PACRG: variants seen among roughly 807,000 people sequenced by gnomAD.
The protein encoded by PACRG is parkin coregulated.
A neutral mutation model predicts 29.7 loss-of-function variants in PACRG; 29 were observed. The observed-to-expected ratio is 0.98, with a 90% CI of 0.73 to 1.33. The LOEUF (loss-of-function observed/expected upper bound fraction) is 1.33, where lower values mean the gene tolerates loss of function less well. PACRG is among the 40% of genes most tolerant of loss of function. PACRG has a pLI of 0.00. For missense variants in PACRG, 279 were observed against 316.2 expected, an observed-to-expected ratio of 0.88 and a Z score of 0.89; for synonymous variants, 116 against 118.7, an observed-to-expected ratio of 0.98 and a Z score of 0.15.
At chr6:163,146,106 G>C (rs1297471026) in intron 4 of PACRG, among the ~76,000 whole-genome samples, 1 of 152,076 alleles carries the variant, frequency 6.6e-6, no homozygotes, top group Non-Finnish European at 1.5e-5. Context: ...AGTTCAAAAA[G>C]CCTTATGTAC....
At chr6:163,197,747 C>T (rs908444199) in intron 4 of PACRG, among the ~76,000 whole-genome samples, 2 of 152,204 alleles carry the variant, frequency 1.3e-5, no homozygotes, top group East Asian at 1.9e-4. Context: ...CTGAGCCCGC[C>T]GGCTATTTTC....
chr6:163,231,668 G>C (rs1196295690), intron 4 of PACRG, among the ~76,000 whole-genome samples: 3 of 152,164 alleles, frequency 2.0e-5, no homozygotes, highest in Non-Finnish European at 4.4e-5. Context: ...GCCTTCCCCA[G>C]GACCAGCACC....
intron 1 of PACRG, among the ~76,000 whole-genome samples, chr6:162,765,481 C>T (rs992018197): frequency 3.9e-5 from 6 of 152,124 alleles, no homozygotes; most frequent in African/African-American, 9.7e-5. Context: ...TCTACATCTG[C>T]TGATCCACTT....
chr6:162,794,353 T>C (rs1346656411), intron 1 of PACRG, among the ~76,000 whole-genome samples: 1 of 152,188 alleles, frequency 6.6e-6, no homozygotes, highest in Non-Finnish European at 1.5e-5. Flanking sequence ...TGAATACTAA[T>C]TTTTATTGAT....
intron 1 of PACRG, among the ~76,000 whole-genome samples, chr6:162,734,465 T>C (rs1019636872): frequency 1.3e-5 from 2 of 152,036 alleles, no homozygotes; most frequent in Non-Finnish European, 2.9e-5. Flanking sequence ...ATCAAACATC[T>C]TCCTATCAAA....
chr6:162,751,131 G>A (rs1460319395), intron 1 of PACRG, among the ~76,000 whole-genome samples: 1 of 151,820 alleles, frequency 6.6e-6, no homozygotes, highest in Non-Finnish European at 1.5e-5. Context: ...TTATGCATAT[G>A]ATACAAGCCA....
chr6:162,827,991 C>G (rs1788428578), intron 2 of PACRG, among the ~76,000 whole-genome samples: 1 of 152,136 alleles, frequency 6.6e-6, no homozygotes, highest in South Asian at 2.1e-4. Flanking sequence ...TGCAGAAGAA[C>G]TGGAGCAGGG....
At chr6:163,042,140 C>T (rs1808788835) in intron 2 of PACRG, among the ~76,000 whole-genome samples, 1 of 152,198 alleles carries the variant, frequency 6.6e-6, no homozygotes, top group Non-Finnish European at 1.5e-5. Context: ...GCTGGGATTA[C>T]AGGCTTGAGC....
chr6:162,814,012 C>T, intron 1 of PACRG, 135 bp from the exon 2 acceptor site: 23 of 891,110 alleles, frequency 2.6e-5, no homozygotes, highest in South Asian at 1.3e-4. Flanking sequence ...TTCTGTTGTC[C>T]CTTATTTGAT....
At chr6:163,200,976 C>A (rs146347671) in intron 4 of PACRG, among the ~76,000 whole-genome samples, 1 of 152,220 alleles carries the variant, frequency 6.6e-6, no homozygotes, top group Non-Finnish European at 1.5e-5. Context: ...GTGGGATCCG[C>A]AGAACATGGG....
intron 4 of PACRG, among the ~76,000 whole-genome samples, chr6:163,300,663 G>A (rs528514446): frequency 7.7e-4 from 117 of 152,326 alleles, no homozygotes; most frequent in African/African-American, 2.8e-3. Context: ...TGCCTTTAGT[G>A]CCTCAAAACA....
At chr6:162,956,138 G>A (rs1442958375) in intron 2 of PACRG, among the ~76,000 whole-genome samples, 1 of 152,208 alleles carries the variant, frequency 6.6e-6, no homozygotes, top group East Asian at 1.9e-4. Flanking sequence ...TCAAGTGCAA[G>A]GCGGTGCCAG....
chr6:163,056,526 T>C (rs1810605990), intron 2 of PACRG, among the ~76,000 whole-genome samples: 2 of 152,162 alleles, frequency 1.3e-5, no homozygotes, highest in East Asian at 1.9e-4. Flanking sequence ...CAGGGACTTA[T>C]AAACAGAAGC....
intron 2 of PACRG, among the ~76,000 whole-genome samples, chr6:162,845,085 C>T (rs1398767581): frequency 1.3e-5 from 2 of 152,054 alleles, no homozygotes; most frequent in African/African-American, 4.8e-5. Context: ...TGAAAAGTTT[C>T]ATTTTTATAA....
chr6:162,787,582 G>A (rs61322165), intron 1 of PACRG, among the ~76,000 whole-genome samples: 14,760 of 62,090 alleles, frequency 0.24, 1,894 homozygotes, highest in East Asian at 0.38. Flanking sequence ...GTGTGTGTGT[G>A]TATATATATA....
intron 4 of PACRG, among the ~76,000 whole-genome samples, chr6:163,112,411 C>A (rs1446151487): frequency 1.3e-5 from 2 of 152,140 alleles, no homozygotes; most frequent in African/African-American, 2.4e-5. Context: ...GACCTGTGTT[C>A]TGATTGCTGC....
intron 4 of PACRG, among the ~76,000 whole-genome samples, chr6:163,212,519 G>A (rs1781187810): frequency 6.6e-6 from 1 of 152,184 alleles, no homozygotes; most frequent in Non-Finnish European, 1.5e-5. Context: ...AAGGAGACAT[G>A]TGCAGGGGAC....
rs75118359 is a variant in PACRG at position 162,867,155 on chromosome 6, G to A, written c.291+52874G>A. ...CAGTACCAAATGCTCAATTGCCCCT[G>A]AGAAGTGTCACCTGAATGCTCCCCA... On this transcript the variant is annotated intron_variant, in intron 2 of 4. Transcript: ENST00000366888. Among the ~76,000 whole-genome samples, 352 of 152,278 alleles carry A rather than the reference G, an allele frequency of 2.3e-3. 1 individual carries two copies. Among genetic ancestry groups the A allele is most frequent in the African/African-American group, 8.1e-3 (335 of 41,530 alleles).
At chr6:163,110,564 G>C (rs1421511195) in intron 4 of PACRG, among the ~76,000 whole-genome samples, 1 of 152,168 alleles carries the variant, frequency 6.6e-6, no homozygotes, top group Non-Finnish European at 1.5e-5. Context: ...AGCTCAATTT[G>C]CTTCGTTCTT....
Sources: allele counts gnomAD v4.1 joint callset (sites outside exome capture counted in the v4.1 genomes callset), GRCh38; gene constraint gnomAD v4.1.1; transcripts MANE v1.5; gene names NCBI Gene and HGNC (gene_info 2026-07-23, HGNC 2026-07-21).